Variants in RASGRP1 observed in about 807,000 individuals in gnomAD.
RASGRP1 encodes RAS guanyl releasing protein 1, also known as RAS guanyl-releasing protein 1.
A neutral mutation model predicts 95.1 loss-of-function variants in RASGRP1; 37 were observed. The observed-to-expected ratio is 0.39, with a 90% CI of 0.30 to 0.51. RASGRP1 has a LOEUF of 0.51. Among genes scored for constraint, RASGRP1 ranks in the 20% least tolerant of loss-of-function variants. The pLI is 0.80. For missense variants in RASGRP1, 711 were observed against 965.4 expected (o/e 0.74, Z 3.49); for synonymous variants, 325 against 353.4 (o/e 0.92, Z 0.90).
intron 7 of RASGRP1, 126 bp downstream of exon 7, chr15:38,512,657 C>G: frequency 8.4e-7 from 1 of 1,186,542 alleles, no homozygotes; most frequent in Non-Finnish European, 1.2e-6. Context: ...GCACACAAAC[C>G]TCTCCACCCC....
chr15:38,501,464 T>C (rs781523344), intron 12 of RASGRP1, 177 bp from the exon 13 acceptor site: 4 of 803,578 alleles, frequency 5.0e-6, no homozygotes, highest in Non-Finnish European at 8.3e-6. Context: ...CAAGATGACA[T>C]GTGGTAAGTA....
At chr15:38,536,031 G>C (rs1892629901) in intron 2 of RASGRP1, among the ~76,000 whole-genome samples, 1 of 152,192 alleles carries the variant, frequency 6.6e-6, no homozygotes, top group South Asian at 2.1e-4. Flanking sequence ...AGCTGACTCT[G>C]GGACAACGCT....
At chr15:38,504,364 T>C (rs1274091975) in intron 10 of RASGRP1, 3 of 152,242 alleles carry the variant, frequency 2.0e-5, no homozygotes, top group Non-Finnish European at 2.9e-5. Context: ...AAAGCACACA[T>C]TGTATAGCTT....
At chr15:38,539,695 A>G (rs1000277224) in intron 2 of RASGRP1, among the ~76,000 whole-genome samples, 9 of 152,066 alleles carry the variant, frequency 5.9e-5, no homozygotes, top group South Asian at 2.1e-4. Context: ...AGCATTAGGT[A>G]TATCTCCCAA....
intron 14 of RASGRP1, chr15:38,499,174 T>C: frequency 1.5e-6 from 1 of 677,138 alleles, no homozygotes; most frequent in Non-Finnish European, 2.7e-6. Context: ...TCAGAAGCAG[T>C]ATCCTGATAT....
At chr15:38,551,307 T>C (rs373558900) in intron 2 of RASGRP1, among the ~76,000 whole-genome samples, 1 of 152,236 alleles carries the variant, frequency 6.6e-6, no homozygotes, top group Admixed American at 6.5e-5. Context: ...GTGATGGAGA[T>C]ACCCCATTAC....
chr15:38,513,477 A>G (rs180784046), intron 6 of RASGRP1, among the ~76,000 whole-genome samples: 6 of 152,360 alleles, frequency 3.9e-5, no homozygotes, highest in Admixed American at 3.3e-4. Flanking sequence ...AAAGTGTTAC[A>G]TATATGTAAG....
chr15:38,511,978 A>G (rs1479072296), intron 7 of RASGRP1, among the ~76,000 whole-genome samples: 2 of 152,188 alleles, frequency 1.3e-5, no homozygotes, highest in African/African-American at 2.4e-5. Context: ...GTGCTTTCTT[A>G]GAATCACCTC....
At chr15:38,504,152 T>G (rs901752035) in intron 10 of RASGRP1, 2 of 152,218 alleles carry the variant, frequency 1.3e-5, no homozygotes, top group African/African-American at 4.8e-5. Flanking sequence ...CTTTCAAGAT[T>G]AGAAATTACT....
At chr15:38,508,035 G>C (rs537383478) in intron 8 of RASGRP1, 34 bp from the exon 9 acceptor site, 1 of 1,565,710 alleles carries the variant, frequency 6.4e-7, no homozygotes, top group Middle Eastern at 1.7e-4. Context: ...ACAGGTACCC[G>C]CTAGGCAGTG....
intron 2 of RASGRP1, among the ~76,000 whole-genome samples, chr15:38,536,944 TA>T (rs757780800): frequency 5.3e-5 from 8 of 152,244 alleles, no homozygotes; most frequent in Non-Finnish European, 1.0e-4. Flanking sequence ...GATGTTTGAT[TA>T]AATACATAAA....
intron 2 of RASGRP1, among the ~76,000 whole-genome samples, chr15:38,538,861 C>A (rs1892759032): frequency 6.6e-6 from 1 of 152,126 alleles, no homozygotes; most frequent in Admixed American, 6.5e-5. Flanking sequence ...TGAGTTCACA[C>A]CACGGATGTC....
chr15:38,540,524 T>C (rs1160452818), intron 2 of RASGRP1, among the ~76,000 whole-genome samples: 1 of 152,122 alleles, frequency 6.6e-6, no homozygotes, highest in East Asian at 1.9e-4. Flanking sequence ...GGGAAGGCGA[T>C]GGTGAGGAAA....
At chr15:38,510,741 C>T (rs1891477325) in intron 8 of RASGRP1, among the ~76,000 whole-genome samples, 1 of 152,186 alleles carries the variant, frequency 6.6e-6, no homozygotes, top group African/African-American at 2.4e-5. Flanking sequence ...GGGAGGATCG[C>T]TTGAGGCCAA....
At chr15:38,537,046 T>G (rs1241574438) in intron 2 of RASGRP1, among the ~76,000 whole-genome samples, 1 of 152,206 alleles carries the variant, frequency 6.6e-6, no homozygotes, top group Non-Finnish European at 1.5e-5. Flanking sequence ...TTTTTTTCCT[T>G]TGTTCTGGCT....
At position 38,550,266 on chromosome 15, in the gene RASGRP1, A is replaced by T. The variant is rs1893285043; in HGVS notation, c.220+9555T>A. ...CCAAAAAAAAAAAAAAAAAGAAAAG[A>T]AAAGAAAAAAAAGTTAATACAGACA... On this transcript the variant is annotated intron_variant, in intron 2 of 16. Coordinates refer to ENST00000310803, the MANE Select transcript of RASGRP1 (RefSeq NM_005739.4). Among the ~76,000 whole-genome samples the T allele has an allele frequency of 4.0e-5, 6 of 151,424 alleles. No individual in the cohort carries two copies. The South Asian group carries it at 1.0e-3, about 26-fold the overall frequency.
intron 10 of RASGRP1, 105 bp downstream of exon 10, chr15:38,505,735 A>G (rs1891229852): frequency 1.2e-6 from 1 of 861,524 alleles, no homozygotes; most frequent in Admixed American, 2.1e-5. Context: ...GAAAAACAGT[A>G]CATGTATTAA....
At chr15:38,519,667 G>C (rs2141129018) in intron 3 of RASGRP1, among the ~76,000 whole-genome samples, 1 of 152,228 alleles carries the variant, frequency 6.6e-6, no homozygotes, top group Non-Finnish European at 1.5e-5. Context: ...GAGGTCCTGA[G>C]ACAGGTAACT....
intron 16 of RASGRP1, among the ~76,000 whole-genome samples, chr15:38,492,143 T>C (rs538073166): frequency 3.3e-5 from 5 of 152,344 alleles, no homozygotes; most frequent in African/African-American, 1.2e-4. Flanking sequence ...CATTTGGCAG[T>C]TTCTATCCCT....
Sources: allele counts gnomAD v4.1 joint callset (sites outside exome capture counted in the v4.1 genomes callset), GRCh38; gene constraint gnomAD v4.1.1; transcripts MANE v1.5; gene names NCBI Gene and HGNC (gene_info 2026-07-23, HGNC 2026-07-21).